Variants in TMEM161B observed in about 807,000 individuals in gnomAD.
TMEM161B encodes the protein transmembrane protein 161B.
A neutral mutation model predicts 61.8 loss-of-function variants in TMEM161B; 34 were observed. That is an observed-to-expected ratio of 0.55 (90% CI 0.42 to 0.73). The LOEUF is 0.73. Ranked by LOEUF, TMEM161B falls within the 30% of genes least tolerant of loss-of-function variation. The pLI is 0.00. For missense variants in TMEM161B, 456 were observed against 558.5 expected (o/e 0.82, Z 1.85); for synonymous variants, 167 against 192.8 (o/e 0.87, Z 1.11).
At chr5:88,258,181 A>T (rs984502770) in intron 1 of TMEM161B, among the ~76,000 whole-genome samples, 4 of 152,228 alleles carry the variant, frequency 2.6e-5, no homozygotes, top group African/African-American at 9.6e-5. Context: ...CAGTACAATG[A>T]ATGTTTTTAA....
intron 2 of TMEM161B, among the ~76,000 whole-genome samples, chr5:88,236,732 C>T (rs757314788): frequency 3.3e-5 from 5 of 152,040 alleles, no homozygotes; most frequent in Non-Finnish European, 5.9e-5. Context: ...TGCTGATGTG[C>T]CTTTTAATTT....
intron 5 of TMEM161B, among the ~76,000 whole-genome samples, chr5:88,220,127 T>G (rs1004840103): frequency 6.6e-6 from 1 of 152,084 alleles, no homozygotes; most frequent in Admixed American, 6.5e-5. Flanking sequence ...TGGCTGTAAA[T>G]AATATTTTCA....
At chr5:88,188,631 G>A (rs184708846), downstream of TMEM161B, among the ~76,000 whole-genome samples, 3 of 152,274 alleles carry the variant, frequency 2.0e-5, no homozygotes, top group Admixed American at 6.5e-5. Flanking sequence ...GTAGCAGGAC[G>A]AGCCGCAGAG....
chr5:88,225,069 G>A (rs1018626881), intron 4 of TMEM161B, among the ~76,000 whole-genome samples: 30 of 146,310 alleles, frequency 2.1e-4, no homozygotes, highest in African/African-American at 4.6e-4. Context: ...CCGGGTTCAC[G>A]TCATTCTCCT....
downstream of TMEM161B, among the ~76,000 whole-genome samples, chr5:88,188,045 T>C (rs1227342006): frequency 6.6e-6 from 1 of 152,052 alleles, no homozygotes; most frequent in East Asian, 1.9e-4. Flanking sequence ...TTTGTTCTCT[T>C]TCTTATCATT....
In TMEM161B at chr5:88,203,064, T is replaced by A; in HGVS notation, c.812A>T (p.His271Leu). ...AAATAAAGGTGCCAAGAAGTTGATA[T>A]GAAGTAAAGTTCTGAAAGTACGTAA... ...ATEKITQTLLHINFLAPLFMV... is the reference protein window; with the variant it reads ...ATEKITQTLLLINFLAPLFMV... The change falls in exon 9 of 12, where the codon CAT (histidine) becomes CTT (leucine). Residue 271 changes from histidine (H) to leucine (L), a missense_variant. Physicochemically the swap from His to Leu is moderately conservative, Grantham distance 99. Coordinates refer to ENST00000296595, the MANE Select transcript of TMEM161B (RefSeq NM_153354.5). The A allele has an allele frequency of 6.3e-7, 1 of 1,586,182 alleles. No homozygotes were observed. The highest frequency in any genetic ancestry group is 8.7e-7 in the Non-Finnish European group (1 of 1,155,372).
chr5:88,217,996 T>C (rs947042723), intron 5 of TMEM161B, among the ~76,000 whole-genome samples: 2 of 150,618 alleles, frequency 1.3e-5, no homozygotes. Context: ...CAGAATTCCA[T>C]CAAAGGGGCA....
chr5:88,260,140 A>G (rs1442896967), intron 1 of TMEM161B, among the ~76,000 whole-genome samples: 6 of 152,234 alleles, frequency 3.9e-5, no homozygotes, highest in Non-Finnish European at 8.8e-5. Flanking sequence ...TGTAAAATAA[A>G]TGCAGCTGTT....
At chr5:88,218,527 C>A (rs1275201297) in intron 5 of TMEM161B, among the ~76,000 whole-genome samples, 3 of 152,148 alleles carry the variant, frequency 2.0e-5, no homozygotes, top group African/African-American at 7.2e-5. Context: ...ATGGCTTACA[C>A]CTGTAATCTC....
intron 2 of TMEM161B, among the ~76,000 whole-genome samples, chr5:88,233,265 C>T (rs1432498086): frequency 2.6e-5 from 4 of 152,016 alleles, no homozygotes; most frequent in African/African-American, 4.8e-5. Flanking sequence ...AAGAATGAAA[C>T]AAGTGGTGAA....
intron 1 of TMEM161B, among the ~76,000 whole-genome samples, chr5:88,261,669 A>AG (rs1219099348): frequency 6.7e-6 from 1 of 149,286 alleles, no homozygotes; most frequent in Non-Finnish European, 1.5e-5. Flanking sequence ...AATACAATGG[A>AG]GAAAAAAAAA....
chr5:88,190,983 T>C (rs1748770730), downstream of TMEM161B, among the ~76,000 whole-genome samples: 1 of 152,214 alleles, frequency 6.6e-6, no homozygotes, highest in Non-Finnish European at 1.5e-5. Context: ...TATCCTTTCC[T>C]TTTCCATTGT....
chr5:88,214,561 T>C (rs1185580322), intron 5 of TMEM161B, among the ~76,000 whole-genome samples: 1 of 152,232 alleles, frequency 6.6e-6, no homozygotes, highest in Non-Finnish European at 1.5e-5. Flanking sequence ...CTTTTCATTT[T>C]TTCATAAGCA....
intron 4 of TMEM161B, among the ~76,000 whole-genome samples, chr5:88,224,959 GTTTTTGTTTTTTT>G (rs1228959001): frequency 1.1e-3 from 116 of 101,218 alleles, no homozygotes; most frequent in African/African-American, 4.3e-3. Flanking sequence ...CACAAAATAT[GTTTTTGTTTTTTT>G]TTTTTTTTTT....
At chr5:88,188,279 AT>A (rs35094128), downstream of TMEM161B, among the ~76,000 whole-genome samples, 77,707 of 143,348 alleles carry the variant, frequency 0.54, 22,674 homozygotes, top group East Asian at 0.92. Flanking sequence ...TAATTTTTGT[AT>A]TTTTTTTTTT....
chr5:88,209,404 G>A (rs956981651), intron 5 of TMEM161B, among the ~76,000 whole-genome samples: 1 of 152,064 alleles, frequency 6.6e-6, no homozygotes, highest in African/African-American at 2.4e-5. Flanking sequence ...AAACAAAATA[G>A]TATCTTTGGC....
chr5:88,203,083 T>C lies in TMEM161B; in HGVS notation c.801-8A>G, dbSNP rs1304807150. On this transcript the variant is annotated splice_region_variant and splice_polypyrimidine_tract_variant and intron_variant, in intron 8 of 11. Coordinates refer to ENST00000296595, the MANE Select transcript of TMEM161B (RefSeq NM_153354.5). ...TTGATATGAAGTAAAGTTCTGAAAG[T>C]ACGTAAGAAATAAATATAAAAATTC... The C allele has an allele frequency of 6.6e-7, 1 of 1,504,238 alleles. No individual in the cohort carries two copies. Among genetic ancestry groups the C allele is most frequent in the Non-Finnish European group, 9.2e-7 (1 of 1,082,924 alleles). 93.2% of individuals were successfully genotyped at this position (1,504,238 alleles called of 1,614,324 possible).
At chr5:88,255,082 G>C (rs757923209) in intron 1 of TMEM161B, among the ~76,000 whole-genome samples, 5 of 152,178 alleles carry the variant, frequency 3.3e-5, no homozygotes, top group Non-Finnish European at 7.4e-5. Flanking sequence ...CTCTGGCAAT[G>C]TGACTAAGAG....
chr5:88,186,494 ATTTTT>A (rs541534315), downstream of TMEM161B, among the ~76,000 whole-genome samples: 1,112 of 151,650 alleles, frequency 7.3e-3, 9 homozygotes, highest in African/African-American at 0.025. Flanking sequence ...TTCCTAATCT[ATTTTT>A]TTTAATTCTT....
Sources: allele counts gnomAD v4.1 joint callset (sites outside exome capture counted in the v4.1 genomes callset), GRCh38; gene constraint gnomAD v4.1.1; transcripts MANE v1.5; gene names NCBI Gene and HGNC (gene_info 2026-07-23, HGNC 2026-07-21).